The following COBL variants were observed in gnomAD, a reference collection of about 807,000 sequenced individuals.
COBL encodes the protein cordon-bleu WH2 repeat protein, also known as protein cordon-bleu.
COBL carries 51 observed loss-of-function variants against 98.8 expected under a neutral mutation model. The ratio of observed to expected loss-of-function variants is 0.52; its 90% CI spans 0.41 to 0.65. The LOEUF (loss-of-function observed/expected upper bound fraction) is 0.65. COBL is among the 30% of genes least tolerant of loss of function. The pLI is 0.00. For missense variants in COBL, 1,617 were observed against 1,617.5 expected, an observed-to-expected ratio of 1.00 and a Z score of 0.01; for synonymous variants, 634 against 651.7, an observed-to-expected ratio of 0.97 and a Z score of 0.41.
At chr7:51,095,385 G>T (rs1424814134) in intron 6 of COBL, among the ~76,000 whole-genome samples, 3 of 152,092 alleles carry the variant, frequency 2.0e-5, no homozygotes, top group Admixed American at 1.3e-4. Flanking sequence ...ATTTGAGTGG[G>T]GGACACAGCC....
chr7:51,312,200 C>T (rs1803122744), intron 1 of COBL, among the ~76,000 whole-genome samples: 1 of 151,648 alleles, frequency 6.6e-6, no homozygotes, highest in African/African-American at 2.4e-5. Flanking sequence ...TGTGGTGGTG[C>T]ACACCTGTAA....
chr7:51,097,714 A>G (rs1795400481), intron 6 of COBL, among the ~76,000 whole-genome samples: 1 of 152,160 alleles, frequency 6.6e-6, no homozygotes. Context: ...ATTAAAAATA[A>G]TAAAATACTT....
intron 1 of COBL, among the ~76,000 whole-genome samples, chr7:51,245,765 C>G (rs1056886544): frequency 6.6e-6 from 1 of 152,098 alleles, no homozygotes; most frequent in Non-Finnish European, 1.5e-5. Flanking sequence ...AAAAGCAAGG[C>G]TGGGATTAAG....
intron 7 of COBL, among the ~76,000 whole-genome samples, chr7:51,062,312 G>A (rs1244536234): frequency 6.6e-6 from 1 of 151,974 alleles, no homozygotes. Flanking sequence ...GTCTGTGAGA[G>A]GTGGCAGGAG....
chr7:51,293,877 C>A lies in COBL; in HGVS notation c.41+22716G>T, dbSNP rs565010746. 5.9e-5 allele frequency among the ~76,000 whole-genome samples: 9 copies of A among 152,104 alleles called. No homozygotes were observed. The South Asian group carries it at 1.7e-3, about 28-fold the overall frequency. On this transcript the variant is annotated intron_variant, in intron 1 of 12. Transcript: ENST00000265136. ...ATGCTTGGTAAGGGGTCCTGGGTCA[C>A]GCACAGTGCTCCCAGGTCGTCCCAT...
intron 1 of COBL, among the ~76,000 whole-genome samples, chr7:51,246,149 T>C (rs1796254788): frequency 6.6e-6 from 1 of 152,168 alleles, no homozygotes; most frequent in African/African-American, 2.4e-5. Flanking sequence ...AAAAAATAAA[T>C]ATCCTAGCCT....
In COBL at chr7:51,193,560, A is replaced by G. The variant is rs769728850; in HGVS notation, c.275T>C (p.Leu92Pro). The G allele has an allele frequency of 2.5e-6, 4 of 1,614,236 alleles. No homozygotes were observed. In the East Asian group the frequency reaches 8.9e-5, roughly 36 times the overall value. Residue 92 changes from leucine to proline, a missense_variant, in exon 3 of 13, where the codon CTT becomes CCT. Leu to Pro is a moderately conservative substitution (Grantham distance 98, BLOSUM62 -3). Transcript: ENST00000265136. Reference protein sequence around the residue: ...SHAMMDLLVELCLQNHLNPSH... With the variant: ...SHAMMDLLVEPCLQNHLNPSH... The stretch of plus-strand genomic sequence containing the variant: ...TGGATTCAGGTGGTTCTGAAGGCAA[A>G]GTTCAACCAGTAGGTCCATCATCGC...
At chr7:51,144,149 CAA>C (rs1784810018) in intron 5 of COBL, among the ~76,000 whole-genome samples, 1 of 152,162 alleles carries the variant, frequency 6.6e-6, no homozygotes, top group Non-Finnish European at 1.5e-5. Context: ...CTGCCAGGTG[CAA>C]AGAGAACAAC....
At chr7:51,050,793 A>C (rs755496881) in intron 7 of COBL, among the ~76,000 whole-genome samples, 83 of 152,320 alleles carry the variant, frequency 5.4e-4, no homozygotes, top group Non-Finnish European at 1.0e-3. Flanking sequence ...TGGAAGTGCC[A>C]GTTATGTGAG....
intron 1 of COBL, among the ~76,000 whole-genome samples, chr7:51,276,305 T>C (rs1486915671): frequency 1.3e-5 from 2 of 152,164 alleles, no homozygotes; most frequent in East Asian, 3.9e-4. Context: ...CCAAGAGCTA[T>C]GTAAGTTGGT....
At chr7:51,260,235 C>CTA in intron 1 of COBL, 1 of 602,804 alleles carries the variant, frequency 1.7e-6, no homozygotes, top group Non-Finnish European at 2.9e-6. Context: ...CTCACTCTAT[C>CTA]AAGACCATAT....
intron 1 of COBL, among the ~76,000 whole-genome samples, chr7:51,303,215 C>A (rs1358989010): frequency 6.6e-6 from 1 of 152,164 alleles, no homozygotes; most frequent in Non-Finnish European, 1.5e-5. Context: ...TTTATAAAAT[C>A]TGGGGACACA....
Position 51,029,270 on chromosome 7 carries a change from T to C in COBL, c.1826A>G (p.Lys609Arg). The C allele has an allele frequency of 6.2e-7, 1 of 1,609,646 alleles. No homozygotes were observed. The highest frequency in any genetic ancestry group is 1.3e-5 in the African/African-American group (1 of 74,884). ...ALHPASHDVG[K>R]GIRVALSNIS... ...GTTAGATAAGGCCACACGGATTCCTTTTCCGACGTCATGGGAAGCGGGGTG... is the reference window on the plus strand; with the variant it reads ...GTTAGATAAGGCCACACGGATTCCTCTTCCGACGTCATGGGAAGCGGGGTG... The change falls in exon 10 of 13, where the codon AAA becomes AGA. Residue 609 changes from lysine to arginine, a missense_variant. By Grantham distance (26) the Lys-to-Arg change is conservative. Coordinates refer to ENST00000265136, the MANE Select transcript of COBL (RefSeq NM_015198.5).
At chr7:51,062,204 TC>T (rs1464609456) in intron 7 of COBL, among the ~76,000 whole-genome samples, 3 of 152,182 alleles carry the variant, frequency 2.0e-5, no homozygotes. Context: ...AAATTAGCTT[TC>T]CCAGGATGCA....
chr7:51,140,724 A>G (rs1182300611), intron 5 of COBL, among the ~76,000 whole-genome samples: 1 of 152,218 alleles, frequency 6.6e-6, no homozygotes, highest in African/African-American at 2.4e-5. Flanking sequence ...CCCTGACAGC[A>G]CAAGTGCCCC....
intron 1 of COBL, among the ~76,000 whole-genome samples, chr7:51,269,230 T>C (rs1361217810): frequency 2.0e-5 from 3 of 152,084 alleles, no homozygotes; most frequent in African/African-American, 4.8e-5. Context: ...AGCCCATGTG[T>C]TGGGGATCTT....
chr7:51,053,827 C>T (rs939221368), intron 7 of COBL, among the ~76,000 whole-genome samples: 1 of 152,230 alleles, frequency 6.6e-6, no homozygotes, highest in African/African-American at 2.4e-5. Flanking sequence ...TGGTAACAGA[C>T]AAAATTGTCA....
intron 5 of COBL, among the ~76,000 whole-genome samples, chr7:51,176,042 C>T (rs1296018166): frequency 6.6e-6 from 1 of 152,262 alleles, no homozygotes; most frequent in East Asian, 1.9e-4. Flanking sequence ...AAGCTGAGAC[C>T]CTAGGGAATA....
In COBL at chr7:51,160,308, A is replaced by T. The variant is rs532973510; in HGVS notation, c.783+23794T>A. ...GGAGTTTTATATACACAAGGCTCTG[A>T]ATCAGAAATGGAGAGTTGAGTGGCC... is the stretch of plus-strand genomic sequence containing the variant. On this transcript the variant is annotated intron_variant, in intron 5 of 12. Coordinates refer to ENST00000265136, the MANE Select transcript of COBL (RefSeq NM_015198.5). 1.4e-3 allele frequency among the ~76,000 whole-genome samples: 212 copies of T among 152,326 alleles called. 1 individual carries two copies. Among genetic ancestry groups the T allele is most frequent in the Non-Finnish European group, 2.4e-3 (161 of 68,026 alleles).
Sources: gnomAD v4.1 joint callset for allele counts (sites outside exome capture counted in the v4.1 genomes callset) on GRCh38, gnomAD v4.1.1 for gene constraint, MANE v1.5 for transcripts, NCBI Gene and HGNC (gene_info 2026-07-23, HGNC 2026-07-21) for gene names.